Variants in ATF6 observed in about 807,000 individuals in gnomAD.
ATF6 encodes the protein activating transcription factor 6, also known as cyclic AMP-dependent transcription factor ATF-6 alpha.
ATF6 carries 53 observed loss-of-function variants against 83.6 expected under a neutral mutation model. The observed-to-expected ratio is 0.63, with a 90% CI of 0.51 to 0.80. The LOEUF (loss-of-function observed/expected upper bound fraction) is 0.80, where lower values mean the gene tolerates loss of function less well. Among genes scored for constraint, ATF6 ranks in the 30% least tolerant of loss-of-function variants. The pLI, the probability that ATF6 is intolerant of heterozygous loss-of-function variation, is 0.00. For missense variants in ATF6, 744 were observed against 797.9 expected, an observed-to-expected ratio of 0.93 and a Z score of 0.81; for synonymous variants, 288 against 285.8, an observed-to-expected ratio of 1.01 and a Z score of -0.08.
At chr1:161,817,565 G>T (rs928738960) in intron 7 of ATF6, among the ~76,000 whole-genome samples, 2 of 152,122 alleles carry the variant, frequency 1.3e-5, no homozygotes, top group African/African-American at 4.8e-5. Flanking sequence ...CATTACTTAA[G>T]AGTGAGATAG....
intron 9 of ATF6, 53 bp from the exon 10 acceptor site, chr1:161,846,394 GCA>G: frequency 2.0e-6 from 3 of 1,536,460 alleles, no homozygotes; most frequent in Non-Finnish European, 2.6e-6. Context: ...CATGTAGCAG[GCA>G]TATGTGTGAC....
chr1:161,895,937 T>A (rs1373889458), intron 14 of ATF6, among the ~76,000 whole-genome samples: 2 of 152,182 alleles, frequency 1.3e-5, no homozygotes, highest in African/African-American at 2.4e-5. Flanking sequence ...CAGGCATTTT[T>A]AAAAAATTAC....
At chr1:161,802,703 C>CT (rs569638346) in intron 7 of ATF6, among the ~76,000 whole-genome samples, 75 of 152,238 alleles carry the variant, frequency 4.9e-4, no homozygotes, top group Admixed American at 9.2e-4. Context: ...AGCTTTCTTC[C>CT]TTGCCGTTTT....
chr1:161,848,719 A>C (rs1490807186), intron 10 of ATF6, among the ~76,000 whole-genome samples: 1 of 152,154 alleles, frequency 6.6e-6, no homozygotes, highest in Non-Finnish European at 1.5e-5. Flanking sequence ...AATTCTCATT[A>C]ACTCTAGCTC....
At chr1:161,829,482 T>C (rs1306906688) in intron 9 of ATF6, among the ~76,000 whole-genome samples, 1 of 152,134 alleles carries the variant, frequency 6.6e-6, no homozygotes, top group Non-Finnish European at 1.5e-5. Context: ...ATCGCACTTA[T>C]TCCAAAATTG....
intron 15 of ATF6, among the ~76,000 whole-genome samples, chr1:161,921,582 G>C (rs1374560289): frequency 6.6e-6 from 1 of 152,172 alleles, no homozygotes; most frequent in East Asian, 1.9e-4. Flanking sequence ...CTGATTCCAT[G>C]ATTTTGAGAC....
intron 4 of ATF6, among the ~76,000 whole-genome samples, chr1:161,790,365 T>G (rs1280795233): frequency 6.6e-6 from 1 of 152,230 alleles, no homozygotes. Flanking sequence ...GCATGCCATC[T>G]TTTCTGTCTG....
At chr1:161,771,068 G>A (rs577690386) in intron 1 of ATF6, among the ~76,000 whole-genome samples, 17 of 152,268 alleles carry the variant, frequency 1.1e-4, no homozygotes, top group Admixed American at 7.8e-4. Context: ...GCAGTTTCCT[G>A]ATGACATATG....
At chr1:161,821,461 C>T (rs893438241) in intron 9 of ATF6, among the ~76,000 whole-genome samples, 1 of 152,092 alleles carries the variant, frequency 6.6e-6, no homozygotes, top group Non-Finnish European at 1.5e-5. Context: ...GTACTCGATA[C>T]ATTTTTTGTT....
intron 15 of ATF6, 25 bp downstream of exon 15, chr1:161,912,405 A>T: frequency 1.3e-6 from 2 of 1,493,448 alleles, no homozygotes; most frequent in Non-Finnish European, 1.8e-6. Flanking sequence ...TGATGTATGA[A>T]CAATATGAGA....
At chr1:161,803,329 C>T (rs1188548727) in intron 7 of ATF6, among the ~76,000 whole-genome samples, 1 of 152,132 alleles carries the variant, frequency 6.6e-6, no homozygotes, top group Non-Finnish European at 1.5e-5. Context: ...AGTAGAACAT[C>T]CAGTTTCTAG....
chr1:161,912,619 A>G (rs1335456782), intron 15 of ATF6, among the ~76,000 whole-genome samples: 1 of 152,198 alleles, frequency 6.6e-6, no homozygotes, highest in Non-Finnish European at 1.5e-5. Flanking sequence ...AAAAGCTAGC[A>G]TCTTGACTGC....
At chr1:161,837,945 G>C (rs912193808) in intron 9 of ATF6, among the ~76,000 whole-genome samples, 2 of 152,194 alleles carry the variant, frequency 1.3e-5, no homozygotes, top group African/African-American at 4.8e-5. Context: ...GGAAACCGAA[G>C]ACACAGCTAA....
chr1:161,799,368 G>A (rs574626261), intron 6 of ATF6, among the ~76,000 whole-genome samples: 2 of 152,160 alleles, frequency 1.3e-5, no homozygotes, highest in East Asian at 3.9e-4. Context: ...TTATAAGTGG[G>A]AGTTATACAT....
chr1:161,826,621 A>C (rs1488712494), intron 9 of ATF6, among the ~76,000 whole-genome samples: 2 of 152,228 alleles, frequency 1.3e-5, no homozygotes. Context: ...AGTTAAAAAA[A>C]CATGTTAAAA....
intron 14 of ATF6, among the ~76,000 whole-genome samples, chr1:161,873,893 G>A (rs1687162550): frequency 6.7e-6 from 1 of 150,174 alleles, no homozygotes; most frequent in South Asian, 2.1e-4. Flanking sequence ...ATGAATAAAT[G>A]AACAAATTAA....
intron 14 of ATF6, among the ~76,000 whole-genome samples, chr1:161,865,182 T>C (rs1188599652): frequency 6.6e-6 from 1 of 151,734 alleles, no homozygotes; most frequent in Non-Finnish European, 1.5e-5. Flanking sequence ...TCTTTTGAGA[T>C]GGATTCTCTC....
intron 14 of ATF6, among the ~76,000 whole-genome samples, chr1:161,899,012 T>C (rs1410615773): frequency 1.3e-5 from 2 of 152,026 alleles, no homozygotes; most frequent in African/African-American, 4.8e-5. Context: ...CTAAAGAAAA[T>C]CGTTTCTCCC....
intron 4 of ATF6, among the ~76,000 whole-genome samples, chr1:161,785,614 C>T (rs571197241): frequency 9.2e-5 from 14 of 152,244 alleles, no homozygotes; most frequent in African/African-American, 3.4e-4. Flanking sequence ...TTAACCTGTA[C>T]ATAAGTCTTT....
Sources: gnomAD v4.1 joint callset for allele counts (sites outside exome capture counted in the v4.1 genomes callset) on GRCh38, gnomAD v4.1.1 for gene constraint, MANE v1.5 for transcripts, NCBI Gene and HGNC (gene_info 2026-07-23, HGNC 2026-07-21) for gene names.